POLN: variants seen among roughly 807,000 people sequenced by gnomAD.
POLN encodes the protein DNA polymerase nu, also known as DNA polymerase N.
In POLN, 108 loss-of-function variants were observed where a neutral mutation model predicts 113.5. The observed-to-expected ratio is 0.95, with a 90% CI of 0.81 to 1.12. The LOEUF is 1.12. POLN is among the 50% of genes most tolerant of loss of function. The pLI is 0.00. For missense variants in POLN, 1,097 were observed against 1,077.1 expected, an observed-to-expected ratio of 1.02 and a Z score of -0.26; for synonymous variants, 386 against 391.5, an observed-to-expected ratio of 0.99 and a Z score of 0.17.
chr4:2,160,068 C>T (rs1347514538), intron 13 of POLN, among the ~76,000 whole-genome samples: 1 of 152,180 alleles, frequency 6.6e-6, no homozygotes, highest in Admixed American at 6.5e-5. Context: ...TGTTTATACC[C>T]CTTTCAGCAA....
chr4:2,169,042 G>GT (rs1264224900), intron 13 of POLN, among the ~76,000 whole-genome samples: 1 of 152,192 alleles, frequency 6.6e-6, no homozygotes, highest in Non-Finnish European at 1.5e-5. Context: ...TGAACACAAT[G>GT]TTTAAGCTGA....
At chr4:2,196,055 A>G (rs1382960288) in intron 6 of POLN, among the ~76,000 whole-genome samples, 2 of 152,218 alleles carry the variant, frequency 1.3e-5, no homozygotes, top group Non-Finnish European at 1.5e-5. Context: ...TGCATCACTA[A>G]GGGAAGTCAG....
At chr4:2,147,719 C>T (rs897575645) in intron 16 of POLN, among the ~76,000 whole-genome samples, 1 of 140,020 alleles carries the variant, frequency 7.1e-6, no homozygotes, top group African/African-American at 2.7e-5. Flanking sequence ...CTTGGCTCAC[C>T]GCAACCTCTG....
chr4:2,123,624 C>CAAAA (rs771462226), intron 19 of POLN, among the ~76,000 whole-genome samples: 128 of 54,824 alleles, frequency 2.3e-3, no homozygotes, highest in Non-Finnish European at 3.4e-3. Flanking sequence ...GACCCTGTCT[C>CAAAA]AAAAAAAAAA....
intron 24 of POLN, among the ~76,000 whole-genome samples, chr4:2,075,071 C>T (rs575855608): frequency 9.8e-5 from 15 of 152,328 alleles, no homozygotes; most frequent in South Asian, 4.1e-4. Context: ...CTGCCAGCTC[C>T]GCAGCCCCCA....
chr4:2,193,350 A>C, intron 6 of POLN, 34 bp from the exon 7 acceptor site: 3 of 1,464,990 alleles, frequency 2.0e-6, no homozygotes, highest in Non-Finnish European at 2.8e-6. Context: ...TGATTTAAAC[A>C]TTAATTTGGG....
intron 20 of POLN, 81 bp from the exon 21 acceptor site, chr4:2,085,825 G>T: frequency 6.3e-7 from 1 of 1,574,952 alleles, no homozygotes; most frequent in South Asian, 1.1e-5. Context: ...GTCAGGTCCA[G>T]CTGGCAGCAC....
At chr4:2,130,012 G>C (rs1232524779) in intron 17 of POLN, among the ~76,000 whole-genome samples, 1 of 151,910 alleles carries the variant, frequency 6.6e-6, no homozygotes, top group African/African-American at 2.4e-5. Context: ...CCAGCACTTT[G>C]AGAGGCCGAG....
chr4:2,103,420 G>T lies in POLN; in HGVS notation c.1983-7487C>A, dbSNP rs34350334. ...CCACTAAGAAAAATTAAAGAAAAAAGAATAAAAAGAATGAACAAAGCCTTT... is the reference window on the plus strand; with the variant it reads ...CCACTAAGAAAAATTAAAGAAAAAATAATAAAAAGAATGAACAAAGCCTTT... On this transcript the variant is annotated intron_variant, in intron 19 of 25. Coordinates refer to ENST00000511885, the MANE Select transcript of POLN (RefSeq NM_181808.4). Among the ~76,000 whole-genome samples, 913 of 152,036 alleles carry T rather than the reference G, an allele frequency of 6.0e-3. 4 individuals are homozygous for T. Among genetic ancestry groups the T allele is most frequent in the Middle Eastern group, 0.01 (3 of 294 alleles).
intron 3 of POLN, among the ~76,000 whole-genome samples, chr4:2,216,372 C>T (rs1375548602): frequency 6.6e-6 from 1 of 152,188 alleles, no homozygotes; most frequent in African/African-American, 2.4e-5. Context: ...GGTTCCCAGA[C>T]CCATTTATTA....
In POLN at chr4:2,210,615, TAATAATAATAATAATAAA is replaced by T. The variant is rs1208708229; in HGVS notation, c.214-2146_214-2129del. ...ATAATAATAATAATAATAATAATAA[TAATAATAATAATAATAAA>T]AAAAAGAGGCCGGGCATGGTGGCTC... On this transcript the variant is annotated intron_variant, in intron 4 of 25. Coordinates refer to ENST00000511885, the MANE Select transcript of POLN (RefSeq NM_181808.4). 2.0e-3 allele frequency among the ~76,000 whole-genome samples: 266 copies of T among 135,518 alleles called. 4 individuals carry two copies. The highest frequency in any genetic ancestry group is 0.011 in the Middle Eastern group (3 of 272). 88.9% of individuals were successfully genotyped at this position (135,518 alleles called of 152,430 possible).
At position 2,157,890 on chromosome 4, in the gene POLN, AG is replaced by A. The variant is rs1732476298; in HGVS notation, c.1632del (p.Phe545LeufsTer2). 7 of 1,607,978 alleles carry A rather than the reference AG, an allele frequency of 4.4e-6. No homozygotes were observed. The highest frequency in any genetic ancestry group is 5.1e-6 in the Non-Finnish European group (6 of 1,175,500). On this transcript the variant is annotated frameshift_variant, in exon 15 of 26. Coordinates refer to ENST00000511885, the MANE Select transcript of POLN (RefSeq NM_181808.4). LOFTEE classifies it high-confidence loss of function. ...ATGCAAGCTAGTAATCCATCTACAA[AG>A]GTTGACTTGATCTTGTGAACCTAAG... is the stretch of plus-strand genomic sequence containing the variant. Reference protein sequence around the residue: ...EYRQVHKIKSTFVDGLLACMK... With the variant: ...EYRQVHKIKSXFVDGLLACMK...
chr4:2,072,292 A>C lies in POLN; in HGVS notation c.2525T>G (p.Leu842Arg). The C allele has an allele frequency of 4.4e-6, 7 of 1,573,138 alleles. No individual in the cohort carries two copies. The highest frequency in any genetic ancestry group is 6.0e-6 in the Non-Finnish European group (7 of 1,161,342). ...QALELQLQVP[L>R]KVSLSAGRSW... ...GCGGCCGGCACTCAGGCTCACCTTG[A>C]GGGGTACCTGCAGGTGGCAGCCAGA... The change falls in exon 26 of 26, where the codon CTC becomes CGC. Residue 842 changes from leucine to arginine, a missense_variant. By Grantham distance (102) the Leu-to-Arg change is moderately radical (BLOSUM62 -2). Coordinates refer to ENST00000511885, the MANE Select transcript of POLN (RefSeq NM_181808.4).
chr4:2,072,226 G>A lies in POLN; in HGVS notation c.2591C>T (p.Pro864Leu), dbSNP rs778663008. ...HLVPLQEAWGPPPGPCRTESP... is the reference protein window; with the variant it reads ...HLVPLQEAWGLPPGPCRTESP... ...CTCAGTGCGACATGGGCCTGGCGGA[G>A]GGCCCCAGGCCTCCTGCAGTGGCAC... is the stretch of plus-strand genomic sequence containing the variant. The change falls in exon 26 of 26, where the codon CCT (proline) becomes CTT (leucine). Residue 864 changes from proline to leucine, a missense_variant. Pro to Leu is a moderately conservative substitution (Grantham distance 98). Coordinates refer to ENST00000511885, the MANE Select transcript of POLN (RefSeq NM_181808.4). 1.1e-5 allele frequency: 18 copies of A among 1,605,580 alleles called. No individual in the cohort carries two copies. Among genetic ancestry groups the A allele is most frequent in the Admixed American group, 3.4e-5 (2 of 59,206 alleles).
intron 7 of POLN, among the ~76,000 whole-genome samples, chr4:2,191,878 G>C (rs976525852): frequency 6.6e-6 from 1 of 152,088 alleles, no homozygotes; most frequent in African/African-American, 2.4e-5. Flanking sequence ...ACTTTGGGAG[G>C]CCGAGGCGGG....
At position 2,127,802 on chromosome 4, in the gene POLN, C is replaced by A. The variant is rs1731621935; in HGVS notation, c.1982+311G>T. 6.6e-6 allele frequency among the ~76,000 whole-genome samples: 1 copy of A among 152,244 alleles called. No homozygotes were observed. Among genetic ancestry groups the A allele is most frequent in the African/African-American group, 2.4e-5 (1 of 41,476 alleles). ...CTCCTCGGAGGGCAGTGGCTCACAG[C>A]CAGCACCGCGGGCTCGCTCTTTCCG... On this transcript the variant is annotated intron_variant, in intron 19 of 25. Transcript: ENST00000511885. The surrounding 1 kb of genome is among the most constrained non-coding windows in gnomAD (Gnocchi z 4.7).
At chr4:2,226,851 T>G in intron 3 of POLN, among the ~76,000 whole-genome samples, 1 of 152,254 alleles carries the variant, frequency 6.6e-6, no homozygotes, top group East Asian at 1.9e-4. Flanking sequence ...ATATTTTTCT[T>G]AGAAGAATTT....
At chr4:2,169,376 C>T (rs780395535) in intron 13 of POLN, among the ~76,000 whole-genome samples, 3 of 152,010 alleles carry the variant, frequency 2.0e-5, no homozygotes, top group Non-Finnish European at 4.4e-5. Context: ...ATGGTAGAGA[C>T]GGGGGAATGG....
intron 3 of POLN, among the ~76,000 whole-genome samples, chr4:2,215,428 TCCAA>T (rs889890397): frequency 2.0e-5 from 3 of 152,108 alleles, no homozygotes; most frequent in African/African-American, 7.2e-5. Flanking sequence ...GGAAGCAGAA[TCCAA>T]CCAAGGAAGA....
Sources: allele counts gnomAD v4.1 joint callset (sites outside exome capture counted in the v4.1 genomes callset), GRCh38; gene constraint gnomAD v4.1.1; non-coding constraint Gnocchi (gnomAD v3.1); transcripts MANE v1.5; gene names NCBI Gene and HGNC (gene_info 2026-07-23, HGNC 2026-07-21).